The following JMJD1C variants were observed in gnomAD, a reference collection of about 807,000 sequenced individuals.
The protein encoded by JMJD1C is jumonji domain-containing protein 1C.
In JMJD1C, 31 loss-of-function variants were observed where a neutral mutation model predicts 245.3. That is an observed-to-expected ratio of 0.13 (90% CI 0.09 to 0.17). The LOEUF is 0.17. Ranked by LOEUF, JMJD1C falls within the 10% of genes least tolerant of loss-of-function variation. The probability of loss-of-function intolerance (pLI) is 1.00; values close to 1 mark genes in which losing one functional copy is unlikely to be tolerated. For synonymous variants in JMJD1C, 1,057 were observed against 1,017.4 expected (o/e 1.04, Z -0.74); for missense variants, 2,691 against 3,000.2 (o/e 0.90, Z 2.41).
At chr10:63,296,005 A>G (rs867275373) in intron 2 of JMJD1C, among the ~76,000 whole-genome samples, 225 of 20,410 alleles carry the variant, frequency 0.011, 5 homozygotes, top group South Asian at 0.041. Context: ...GTGTGTGTGT[A>G]TATATATATT....
chr10:63,194,280 A>G lies in JMJD1C; in HGVS notation c.5734+6T>C. The G allele has an allele frequency of 1.9e-6, 3 of 1,578,236 alleles. No homozygotes were observed. Among genetic ancestry groups the G allele is most frequent in the Non-Finnish European group, 2.6e-6 (3 of 1,147,390 alleles). ...CAGTTATATTACATGAAGAAGATAT[A>G]CTTACCAGAACCAGGTATAATTTGG... On this transcript the variant is annotated splice_donor_region_variant and intron_variant, in intron 14 of 25. Coordinates refer to ENST00000399262, the MANE Select transcript of JMJD1C (RefSeq NM_032776.3).
intron 3 of JMJD1C, among the ~76,000 whole-genome samples, chr10:63,221,614 C>A (rs2133292865): frequency 6.6e-6 from 1 of 152,326 alleles, no homozygotes; most frequent in South Asian, 2.1e-4. Flanking sequence ...CTTTTCTCTG[C>A]ACCCCCTCAA....
chr10:63,377,145 T>C (rs775096946), intron 2 of JMJD1C, among the ~76,000 whole-genome samples: 6 of 148,388 alleles, frequency 4.0e-5, no homozygotes, highest in Middle Eastern at 3.4e-3. Flanking sequence ...CCTGAAGACA[T>C]TGTCAGTGAA....
chr10:63,199,301 T>G (rs1446892632), intron 11 of JMJD1C, among the ~76,000 whole-genome samples: 1 of 152,162 alleles, frequency 6.6e-6, no homozygotes, highest in Non-Finnish European at 1.5e-5. Flanking sequence ...CAGAGAAGTT[T>G]ATGGTAAACG....
At chr10:63,202,877 T>C in intron 10 of JMJD1C, 1 of 976,958 alleles carries the variant, frequency 1.0e-6, no homozygotes, top group Non-Finnish European at 1.2e-6. Flanking sequence ...CTTCTAATCA[T>C]CTATTTACTT....
intron 1 of JMJD1C, among the ~76,000 whole-genome samples, chr10:63,402,163 G>A (rs1337694403): frequency 6.7e-6 from 1 of 150,290 alleles, no homozygotes; most frequent in African/African-American, 2.4e-5. Flanking sequence ...CAAAAAAAGT[G>A]GGCAGGGGAT....
intron 2 of JMJD1C, among the ~76,000 whole-genome samples, chr10:63,319,287 A>G (rs906986034): frequency 2.5e-4 from 37 of 148,046 alleles, no homozygotes; most frequent in African/African-American, 7.4e-4. Flanking sequence ...AAGCTAATAC[A>G]TTTTCTGCTT....
rs1434892662 is a variant in JMJD1C, at chr10:63,185,573, T to A, written c.6820A>T (p.Met2274Leu). 6 of 1,587,874 alleles carry A rather than the reference T, an allele frequency of 3.8e-6. No individual in the cohort carries two copies. The highest frequency in any genetic ancestry group is 5.2e-6 in the Non-Finnish European group (6 of 1,155,882). Residue 2274 changes from methionine to leucine, a missense_variant, in exon 20 of 26, where the codon ATG becomes TTG. Physicochemically the swap from Met to Leu is conservative, Grantham distance 15 (BLOSUM62 2). This residue lies in a region of JMJD1C where 232 missense variants were observed against 416.1 expected (regional missense o/e 0.56). Transcript: ENST00000399262. Reference sequence around the variant, plus strand: ...TGAAAAGTTTCAAACCTTGCTGGCATCATAGTCTTGAAGTCTTCTCCTGAA... The same window carrying A: ...TGAAAAGTTTCAAACCTTGCTGGCAACATAGTCTTGAAGTCTTCTCCTGAA... ...WPSGEDFKTM[M>L]PARYEDLLKS...
At chr10:63,429,767 C>T (rs551727089) in intron 1 of JMJD1C, among the ~76,000 whole-genome samples, 1 of 152,284 alleles carries the variant, frequency 6.6e-6, no homozygotes, top group Admixed American at 6.5e-5. Flanking sequence ...CTTATTATAG[C>T]ACTATATTAC....
chr10:63,341,476 T>TA (rs966667691), intron 2 of JMJD1C, among the ~76,000 whole-genome samples: 8 of 152,212 alleles, frequency 5.3e-5, no homozygotes, highest in Non-Finnish European at 1.2e-4. Context: ...CATACATAAA[T>TA]GTACACTTCC....
intron 1 of JMJD1C, among the ~76,000 whole-genome samples, chr10:63,430,035 A>G (rs1488104363): frequency 6.6e-6 from 1 of 152,240 alleles, no homozygotes; most frequent in African/African-American, 2.4e-5. Flanking sequence ...TTATTTATGC[A>G]CAACTATTTC....
rs1302051786 is a variant in JMJD1C at position 63,465,959 on chromosome 10, C to G, written c.-297G>C. On this transcript the variant is annotated 5_prime_UTR_variant, in exon 1 of 26. Transcript: ENST00000399262. ...CCCCGAGGCAGCCCAGCCGCCGCCACCGCGCCGCGGCCAGTACTGCTCCGT... is the reference window on the plus strand; with the variant it reads ...CCCCGAGGCAGCCCAGCCGCCGCCAGCGCGCCGCGGCCAGTACTGCTCCGT... The G allele has an allele frequency of 1.9e-6, 1 of 514,122 alleles. No homozygotes were observed. The highest frequency in any genetic ancestry group is 3.6e-6 in the Non-Finnish European group (1 of 276,960). 31.8% of individuals were successfully genotyped at this position (514,122 alleles called of 1,614,324 possible).
chr10:63,180,164 T>A (rs927688708), intron 22 of JMJD1C, among the ~76,000 whole-genome samples: 5 of 152,058 alleles, frequency 3.3e-5, no homozygotes, highest in Admixed American at 1.3e-4. Context: ...CCCGCCACCA[T>A]GCCCAGCTAA....
intron 16 of JMJD1C, among the ~76,000 whole-genome samples, chr10:63,192,117 T>C (rs1027072337): frequency 2.0e-5 from 3 of 151,490 alleles, no homozygotes; most frequent in Non-Finnish European, 4.4e-5. Flanking sequence ...AACTTTGATA[T>C]GTAGTCAAAG....
intron 2 of JMJD1C, among the ~76,000 whole-genome samples, chr10:63,306,930 C>T (rs957109531): frequency 5.9e-5 from 9 of 152,104 alleles, no homozygotes; most frequent in Admixed American, 3.9e-4. Context: ...CAGGGTTAAA[C>T]GTCCTGGAGT....
intron 2 of JMJD1C, among the ~76,000 whole-genome samples, chr10:63,302,262 A>G (rs952214365): frequency 6.6e-6 from 1 of 152,200 alleles, no homozygotes; most frequent in Non-Finnish European, 1.5e-5. Context: ...TCTCCCACAA[A>G]TGAATAAATG....
At chr10:63,416,345 G>GTTTT (rs10640079) in intron 1 of JMJD1C, among the ~76,000 whole-genome samples, 23 of 147,194 alleles carry the variant, frequency 1.6e-4, no homozygotes, top group African/African-American at 5.5e-4. Context: ...ATTTATCTTA[G>GTTTT]TTTTTTTTTT....
At chr10:63,172,772 C>A (rs1842491962) in intron 24 of JMJD1C, among the ~76,000 whole-genome samples, 1 of 150,388 alleles carries the variant, frequency 6.6e-6, no homozygotes, top group African/African-American at 2.5e-5. Context: ...AGATACCTGA[C>A]AGAAAAACGA....
chr10:63,398,883 G>C lies in JMJD1C; in HGVS notation c.169-18401C>G, dbSNP rs139378640. Among the ~76,000 whole-genome samples, 3 of 152,300 alleles carry C rather than the reference G, an allele frequency of 2.0e-5. No individual in the cohort carries two copies. The East Asian group carries it at 5.8e-4, about 29-fold the overall frequency. The stretch of plus-strand genomic sequence containing the variant: ...TGGTCTCGAACTCCTAGCCTCAAGT[G>C]TGATTCACATGCTTTGGCCTCCCAA... On this transcript the variant is annotated intron_variant, in intron 1 of 25. Transcript: ENST00000399262.
Sources: gnomAD v4.1 joint callset for allele counts (sites outside exome capture counted in the v4.1 genomes callset) on GRCh38, gnomAD v4.1.1 for gene constraint, gnomAD v4.1.1 regional missense constraint, MANE v1.5 for transcripts, NCBI Gene and HGNC (gene_info 2026-07-23, HGNC 2026-07-21) for gene names.